Variants in HOMER2 observed in about 807,000 individuals in gnomAD.
The protein encoded by HOMER2 is homer scaffold protein 2, also known as homer protein homolog 2.
Under a neutral mutation model 47.0 loss-of-function variants are expected in HOMER2, and 27 were observed. The observed-to-expected ratio is 0.57, with a 90% CI of 0.42 to 0.79. The LOEUF is 0.79. Among genes scored for constraint, HOMER2 ranks in the 30% least tolerant of loss-of-function variants. HOMER2 has a pLI of 0.00. For synonymous variants in HOMER2, 161 were observed against 163.8 expected (o/e 0.98, Z 0.13); for missense variants, 443 against 435.0 (o/e 1.02, Z -0.16).
intron 1 of HOMER2, among the ~76,000 whole-genome samples, chr15:82,925,420 T>C (rs1299338146): frequency 6.6e-6 from 1 of 152,186 alleles, no homozygotes; most frequent in Non-Finnish European, 1.5e-5. Flanking sequence ...AACAGGTCTC[T>C]TCCTCCCATG....
intron 1 of HOMER2, among the ~76,000 whole-genome samples, chr15:82,895,412 C>T (rs970684617): frequency 6.6e-6 from 1 of 152,208 alleles, no homozygotes; most frequent in Admixed American, 6.5e-5. Context: ...TCAGTGCAAG[C>T]CCTCATACCC....
chr15:82,984,679 T>C (rs1480153819), intron 1 of HOMER2, among the ~76,000 whole-genome samples: 1 of 152,008 alleles, frequency 6.6e-6, no homozygotes, highest in Non-Finnish European at 1.5e-5. Context: ...ATTAGCAGGG[T>C]GGTGGTGTGC....
In HOMER2 at chr15:82,909,163, G is replaced by A. The variant is rs117397081; in HGVS notation, c.6-16322C>T. The stretch of plus-strand genomic sequence containing the variant: ...AAGTTCAAGATCATTCAGGTTGATT[G>A]ATCATTCCAAAAAACCATTTGGCTA... On this transcript the variant is annotated intron_variant, in intron 1 of 8. Transcript: ENST00000450735. Among the ~76,000 whole-genome samples the A allele has an allele frequency of 9.4e-4, 143 of 152,300 alleles. 2 individuals are homozygous for A. The East Asian group carries it at 0.02, about 21-fold the overall frequency.
intron 1 of HOMER2, among the ~76,000 whole-genome samples, chr15:82,935,797 C>G (rs983721618): frequency 6.6e-6 from 1 of 152,196 alleles, no homozygotes; most frequent in Non-Finnish European, 1.5e-5. Context: ...ACTTCTGTCT[C>G]CTCTGTGACC....
chr15:82,856,620 A>T (rs1359476652), intron 5 of HOMER2, among the ~76,000 whole-genome samples: 1 of 152,160 alleles, frequency 6.6e-6, no homozygotes. Flanking sequence ...GCCTCAAAAA[A>T]CAAATAAATA....
intron 1 of HOMER2, among the ~76,000 whole-genome samples, chr15:82,984,365 C>T (rs1043024857): frequency 5.3e-5 from 8 of 152,214 alleles, no homozygotes; most frequent in Admixed American, 4.6e-4. Context: ...GGTTGTTACA[C>T]CTCTTACCTT....
intron 1 of HOMER2, among the ~76,000 whole-genome samples, chr15:82,978,094 G>A (rs538385976): frequency 3.3e-5 from 5 of 152,288 alleles, no homozygotes; most frequent in Non-Finnish European, 7.4e-5. Context: ...AGGTTATGGC[G>A]AGTCGAGATC....
chr15:82,873,774 G>A (rs568979090), intron 3 of HOMER2, among the ~76,000 whole-genome samples: 2 of 152,328 alleles, frequency 1.3e-5, no homozygotes, highest in South Asian at 4.1e-4. Context: ...CAGAGTCTTC[G>A]TGGAAGTTCC....
At chr15:82,895,804 G>T (rs953355458) in intron 1 of HOMER2, among the ~76,000 whole-genome samples, 1 of 152,152 alleles carries the variant, frequency 6.6e-6, no homozygotes, top group South Asian at 2.1e-4. Context: ...ACAGGAATTA[G>T]CTGGTACACT....
exon 2 of HOMER2, chr15:82,840,542 C>T (rs1596294227): frequency 6.6e-6 from 1 of 152,180 alleles, no homozygotes; most frequent in East Asian, 1.9e-4. Flanking sequence ...CAGCTTCGGC[C>T]CCCAGGGCTC....
At chr15:82,858,806 A>G (rs1230809267) in intron 5 of HOMER2, among the ~76,000 whole-genome samples, 1 of 151,984 alleles carries the variant, frequency 6.6e-6, no homozygotes, top group Admixed American at 6.6e-5. Flanking sequence ...TCACACACAC[A>G]CACTCTCTAT....
At chr15:82,872,139 C>A (rs2052196405) in intron 3 of HOMER2, among the ~76,000 whole-genome samples, 1 of 152,142 alleles carries the variant, frequency 6.6e-6, no homozygotes, top group Admixed American at 6.5e-5. Flanking sequence ...TCCCAACACA[C>A]CCTTCCTCAC....
intron 3 of HOMER2, among the ~76,000 whole-genome samples, chr15:82,865,881 C>T (rs2051948290): frequency 1.3e-5 from 2 of 152,196 alleles, no homozygotes; most frequent in Admixed American, 1.3e-4. Flanking sequence ...TGTATGGAAA[C>T]GTCTGTATGT....
chr15:82,853,111 C>G (rs930082911), intron 6 of HOMER2, among the ~76,000 whole-genome samples: 6 of 152,226 alleles, frequency 3.9e-5, no homozygotes, highest in Non-Finnish European at 1.5e-5. Flanking sequence ...CTGCACCAAG[C>G]CTTGGGGTCT....
intron 1 of HOMER2, among the ~76,000 whole-genome samples, chr15:82,915,482 G>A (rs781613544): frequency 3.9e-5 from 6 of 152,102 alleles, no homozygotes; most frequent in African/African-American, 7.2e-5. Context: ...GCTGAGAGGA[G>A]TGGATCACTT....
intron 1 of HOMER2, among the ~76,000 whole-genome samples, chr15:82,945,827 G>C (rs897447237): frequency 2.0e-5 from 3 of 151,976 alleles, no homozygotes; most frequent in Non-Finnish European, 4.4e-5. Context: ...AAAATTAGCC[G>C]GGTGTGGTGG....
chr15:82,946,831 A>T (rs1343588702), intron 1 of HOMER2, among the ~76,000 whole-genome samples: 1 of 152,208 alleles, frequency 6.6e-6, no homozygotes, highest in Non-Finnish European at 1.5e-5. Context: ...GGATACTAAG[A>T]GGGATGGCTG....
At chr15:82,911,706 G>T (rs1158901542) in intron 1 of HOMER2, among the ~76,000 whole-genome samples, 1 of 152,146 alleles carries the variant, frequency 6.6e-6, no homozygotes, top group African/African-American at 2.4e-5. Context: ...TGCCAGATTT[G>T]GCAGATAAAA....
intron 1 of HOMER2, among the ~76,000 whole-genome samples, chr15:82,933,913 ACAC>A (rs2054076277): frequency 6.6e-6 from 1 of 152,090 alleles, no homozygotes; most frequent in Non-Finnish European, 1.5e-5. Context: ...GAAGGGGTGG[ACAC>A]CACACTTCCC....
Sources: gnomAD v4.1 joint callset for allele counts (sites outside exome capture counted in the v4.1 genomes callset) on GRCh38, gnomAD v4.1.1 for gene constraint, MANE v1.5 for transcripts, NCBI Gene and HGNC (gene_info 2026-07-23, HGNC 2026-07-21) for gene names.